The following VIPR1 variants were observed in gnomAD, a reference collection of about 807,000 sequenced individuals.
VIPR1 encodes vasoactive intestinal polypeptide receptor 1.
Under a neutral mutation model 58.8 loss-of-function variants are expected in VIPR1, and 59 were observed. The observed-to-expected ratio is 1.00, with a 90% CI of 0.81 to 1.25. The LOEUF (loss-of-function observed/expected upper bound fraction) is 1.25. Among genes scored for constraint, VIPR1 ranks in the 50% most tolerant of loss-of-function variants. VIPR1 has a pLI of 0.00. For synonymous variants in VIPR1, 251 were observed against 242.1 expected (o/e 1.04, Z -0.34); for missense variants, 626 against 602.7 (o/e 1.04, Z -0.40).
At chr3:42,522,080 AATATATAT>A (rs59106663) in intron 3 of VIPR1, among the ~76,000 whole-genome samples, 3 of 53,010 alleles carry the variant, frequency 5.7e-5, no homozygotes, top group Middle Eastern at 0.013. Flanking sequence ...TCTACCTTCG[AATATATAT>A]ATATATATAT....
intron 1 of VIPR1, chr3:42,507,968 A>AAAAAAAG (rs1553635948): frequency 5.3e-5 from 8 of 151,882 alleles, no homozygotes; most frequent in African/African-American, 1.9e-4. Context: ...AAAAAAAAAA[A>AAAAAAAG]AAAAAAGAAT....
At chr3:42,493,841 C>T (rs114921177) in intron 1 of VIPR1, among the ~76,000 whole-genome samples, 3,440 of 152,308 alleles carry the variant, frequency 0.023, 119 homozygotes, top group African/African-American at 0.079. Flanking sequence ...TGTGCTCTAC[C>T]TTCTCAGCCA....
chr3:42,502,856 G>A (rs1699931141), intron 1 of VIPR1, 43 bp downstream of exon 1: 7 of 1,215,668 alleles, frequency 5.8e-6, no homozygotes, highest in African/African-American at 1.6e-5. Flanking sequence ...CAGCCTGGGG[G>A]TTGCGGAGGG....
At chr3:42,490,684 G>C (rs559847136) in intron 1 of VIPR1, among the ~76,000 whole-genome samples, 1 of 152,256 alleles carries the variant, frequency 6.6e-6, no homozygotes, top group South Asian at 2.1e-4. Flanking sequence ...GGTGATAAGT[G>C]TTATGAAGAA....
intron 6 of VIPR1, chr3:42,528,595 G>A: frequency 5.5e-6 from 1 of 180,930 alleles, no homozygotes; most frequent in Non-Finnish European, 1.2e-5. Context: ...TCTGGAGTGG[G>A]TCCATACATA....
At chr3:42,512,995 G>A in intron 1 of VIPR1, 5 of 734,690 alleles carry the variant, frequency 6.8e-6, no homozygotes, top group Non-Finnish European at 7.8e-6. Context: ...CTGATCCCTG[G>A]CCAGGGTACA....
Position 42,536,546 on chromosome 3 carries a change from A to C in VIPR1, c.*265A>C. 1 of 399,818 alleles carries C rather than the reference A, an allele frequency of 2.5e-6. No individual in the cohort carries two copies. The highest frequency in any genetic ancestry group is 4.1e-5 in the East Asian group (1 of 24,500). The allele number at this position is 399,818 out of a possible 1,614,324, so 24.8% of individuals were successfully genotyped here. A position where few individuals can be genotyped will look rare whatever the true frequency, so the allele number is the denominator to read the frequency against. On this transcript the variant is annotated 3_prime_UTR_variant, in exon 13 of 13. Transcript: ENST00000325123. ...ACTCAGTCATTAGACTCCTCCTCCAAAGGCCCCCTACGCCAATCAAGGGCA... is the reference window on the plus strand; with the variant it reads ...ACTCAGTCATTAGACTCCTCCTCCACAGGCCCCCTACGCCAATCAAGGGCA...
rs1701614686 is a variant in VIPR1, at chr3:42,532,343, G to T, written c.1010+10G>T. On this transcript the variant is annotated intron_variant, in intron 10 of 12. Coordinates refer to ENST00000325123, the MANE Select transcript of VIPR1 (RefSeq NM_004624.4). The stretch of plus-strand genomic sequence containing the variant: ...ACAGCAGTCCATACTCGTGAGTGTG[G>T]GCCTAGTGCCTCAGCCCCCAGTACC... 5 of 1,613,492 alleles carry T rather than the reference G, an allele frequency of 3.1e-6. No homozygotes were observed. In the South Asian group the frequency reaches 5.5e-5, roughly 18 times the overall value.
At chr3:42,529,230 G>A (rs1701396388) in intron 6 of VIPR1, 1 of 152,098 alleles carries the variant, frequency 6.6e-6, no homozygotes, top group Admixed American at 6.6e-5. Context: ...GGCTGAGTTG[G>A]GCGGATCATG....
At chr3:42,497,097 A>T (rs1699776835) in intron 1 of VIPR1, among the ~76,000 whole-genome samples, 1 of 152,176 alleles carries the variant, frequency 6.6e-6, no homozygotes, top group South Asian at 2.1e-4. Context: ...GGTCAGCTAC[A>T]CACAGGAACG....
At chr3:42,490,643 C>G (rs561067254) in intron 1 of VIPR1, among the ~76,000 whole-genome samples, 2 of 152,186 alleles carry the variant, frequency 1.3e-5, no homozygotes, top group South Asian at 4.1e-4. Context: ...AGAACTGCCT[C>G]CAGGTACCCT....
At chr3:42,512,914 G>A in intron 1 of VIPR1, 1 of 985,452 alleles carries the variant, frequency 1.0e-6, no homozygotes, top group East Asian at 1.1e-4. Context: ...GCTATTCCTA[G>A]ACAGCCATCA....
In VIPR1 at chr3:42,508,447, T is replaced by C. The variant is rs149886094; in HGVS notation, c.79-5302T>C. Reference sequence around the variant, plus strand: ...ACTACTTCCAGGGTGGGCGACGGCGTGTCACATGCTGCGCTGGGACTTTAG... The same window carrying C: ...ACTACTTCCAGGGTGGGCGACGGCGCGTCACATGCTGCGCTGGGACTTTAG... On this transcript the variant is annotated intron_variant, in intron 1 of 12. Transcript: ENST00000325123. 1.3e-3 allele frequency among the ~76,000 whole-genome samples: 195 copies of C among 152,306 alleles called. 2 individuals carry two copies. Among genetic ancestry groups the C allele is most frequent in the African/African-American group, 4.5e-3 (187 of 41,560 alleles).
At chr3:42,514,541 CCA>C (rs111610459) in intron 2 of VIPR1, among the ~76,000 whole-genome samples, 3,165 of 143,290 alleles carry the variant, frequency 0.022, 33 homozygotes, top group Non-Finnish European at 0.03. Flanking sequence ...GATAGTGACA[CCA>C]CACACACACA....
intron 1 of VIPR1, chr3:42,507,396 T>C (rs1241315119): frequency 6.6e-6 from 1 of 152,208 alleles, no homozygotes; most frequent in Non-Finnish European, 1.5e-5. Context: ...CGGCCCATTA[T>C]CTCTCAGGAA....
rs746980452 is a variant in VIPR1, at chr3:42,531,893, G to C, written c.918+24G>C. 6.8e-6 allele frequency: 11 copies of C among 1,613,908 alleles called. No homozygotes were observed. The South Asian group carries it at 1.1e-4, about 16-fold the overall frequency. On this transcript the variant is annotated intron_variant, in intron 9 of 12. Coordinates refer to ENST00000325123, the MANE Select transcript of VIPR1 (RefSeq NM_004624.4). ...TGGTAAGATACCCTCCCACCACCTA[G>C]AGATGGGGAAACAGGCCCAAAGGGC...
intron 2 of VIPR1, among the ~76,000 whole-genome samples, chr3:42,515,192 G>A (rs185797524): frequency 8.7e-4 from 132 of 152,352 alleles, no homozygotes; most frequent in African/African-American, 3.1e-3. Context: ...CTCTAAAGCT[G>A]ACAGTTATGT....
rs773840847 is a variant in VIPR1 at position 42,528,114 on chromosome 3, C to A, written c.627C>A (p.Ser209=). The part of the protein sequence containing the change: ...LFDSGESDQC[S]EGSVGCKAAM... ...ACAGCGGGGAGTCGGACCAGTGCTC[C>A]GAGGGCTCGGTGAGGATCCTGGCCC... Residue 209 remains serine (S), a synonymous_variant, in exon 6 of 13, where the codon TCC becomes TCA. Transcript: ENST00000325123. 2 of 1,613,588 alleles carry A rather than the reference C, an allele frequency of 1.2e-6. No individual in the cohort carries two copies. The highest frequency in any genetic ancestry group is 1.7e-6 in the Non-Finnish European group (2 of 1,179,860).
chr3:42,515,155 C>T (rs1347080010), intron 2 of VIPR1, among the ~76,000 whole-genome samples: 1 of 152,210 alleles, frequency 6.6e-6, no homozygotes, highest in Non-Finnish European at 1.5e-5. Context: ...TTTACGTCTT[C>T]CTGGCTCCCT....
Sources: allele counts gnomAD v4.1 joint callset (sites outside exome capture counted in the v4.1 genomes callset), GRCh38; gene constraint gnomAD v4.1.1; transcripts MANE v1.5; gene names NCBI Gene and HGNC (gene_info 2026-07-23, HGNC 2026-07-21).